PTGER4: variants seen among roughly 807,000 people sequenced by gnomAD.
PTGER4 encodes the protein prostaglandin E receptor 4, also known as prostaglandin E2 receptor EP4 subtype.
PTGER4 carries 11 observed loss-of-function variants against 33.2 expected under a neutral mutation model. That is an observed-to-expected ratio of 0.33 (90% CI 0.21 to 0.55). The LOEUF is 0.55. Ranked by LOEUF, PTGER4 falls within the 20% of genes least tolerant of loss-of-function variation. The pLI, the probability that PTGER4 is intolerant of heterozygous loss-of-function variation, is 0.92. For missense variants in PTGER4, 481 were observed against 650.2 expected (o/e 0.74, Z 2.83); for synonymous variants, 275 against 281.5 (o/e 0.98, Z 0.23).
the PTGER4 span, among the ~76,000 whole-genome samples, chr5:40,745,527 CTTTTG>C: frequency 3.0e-4 from 46 of 151,638 alleles, no homozygotes; most frequent in Non-Finnish European, 4.4e-4. Flanking sequence ...TTGTCCTATT[CTTTTG>C]TTTTGTTTTG....
chr5:40,691,130 C>T lies in PTGER4; in HGVS notation c.868-649C>T, dbSNP rs1300248774. Among the ~76,000 whole-genome samples, 2 of 152,358 alleles carry T rather than the reference C, an allele frequency of 1.3e-5. No individual in the cohort carries two copies. The highest frequency in any genetic ancestry group is 3.9e-4 in the East Asian group (2 of 5,186). On this transcript the variant is annotated intron_variant, in intron 2 of 2. Coordinates refer to ENST00000302472, the MANE Select transcript of PTGER4 (RefSeq NM_000958.3). This position sits in a 1 kb window ranked among gnomAD's most constrained non-coding sequence, Gnocchi z 4.2. The stretch of plus-strand genomic sequence containing the variant: ...CCACCCGCCGCATTCAAGCCATTCT[C>T]CTGCCTCACCCTCCTGAGTAGCTGG...
At chr5:40,706,786 C>G in the PTGER4 span, among the ~76,000 whole-genome samples, 1 of 152,074 alleles carries the variant, frequency 6.6e-6, no homozygotes, top group Non-Finnish European at 1.5e-5. Flanking sequence ...AGAGAAAGGT[C>G]AGGTTACCCA....
the PTGER4 span, among the ~76,000 whole-genome samples, chr5:40,717,098 G>A: frequency 3.3e-5 from 5 of 151,772 alleles, no homozygotes; most frequent in African/African-American, 4.8e-5. Flanking sequence ...GCATGATGGC[G>A]GGTGCCTGTA....
chr5:40,704,900 C>A, the PTGER4 span, among the ~76,000 whole-genome samples: 1 of 152,068 alleles, frequency 6.6e-6, no homozygotes, highest in South Asian at 2.1e-4. Context: ...CTATACTACC[C>A]AAAGCAATTT....
chr5:40,733,669 T>C, the PTGER4 span, among the ~76,000 whole-genome samples: 3 of 152,164 alleles, frequency 2.0e-5, no homozygotes. Flanking sequence ...TTAACATTCT[T>C]CAAGGCAAAG....
At chr5:40,694,143 C>G (rs1044613755), downstream of PTGER4, among the ~76,000 whole-genome samples, 5 of 152,080 alleles carry the variant, frequency 3.3e-5, no homozygotes, top group Non-Finnish European at 5.9e-5. Flanking sequence ...CTCCACCTCC[C>G]AGGTTCAAGC....
chr5:40,738,539 CAATAAAATAA>C, the PTGER4 span, among the ~76,000 whole-genome samples: 388 of 67,468 alleles, frequency 5.8e-3, 6 homozygotes, highest in African/African-American at 0.021. Flanking sequence ...CAATAAAATA[CAATAAAATAA>C]AATAAAATAA....
At chr5:40,687,812 A>G (rs889709263) in intron 2 of PTGER4, among the ~76,000 whole-genome samples, 17 of 152,188 alleles carry the variant, frequency 1.1e-4, no homozygotes, top group African/African-American at 3.9e-4. Flanking sequence ...TTGAAAAGAC[A>G]TTGAATGACC....
chr5:40,746,549 G>A, the PTGER4 span, among the ~76,000 whole-genome samples: 1 of 152,112 alleles, frequency 6.6e-6, no homozygotes, highest in Non-Finnish European at 1.5e-5. Flanking sequence ...CAACAAAAAT[G>A]ATGGCAAAGC....
the PTGER4 span, among the ~76,000 whole-genome samples, chr5:40,698,911 G>A: frequency 6.6e-6 from 1 of 152,158 alleles, no homozygotes; most frequent in Admixed American, 6.5e-5. Flanking sequence ...AGCCACTAAT[G>A]AAATAATGGA....
intron 2 of PTGER4, among the ~76,000 whole-genome samples, chr5:40,686,919 A>G (rs983559815): frequency 6.6e-6 from 1 of 152,210 alleles, no homozygotes. Context: ...AATAATTTAG[A>G]ATACTGTAAT....
chr5:40,698,655 A>T (rs1741667017), downstream of PTGER4, among the ~76,000 whole-genome samples: 1 of 152,208 alleles, frequency 6.6e-6, no homozygotes, highest in South Asian at 2.1e-4. Flanking sequence ...ATTGAAACAC[A>T]TCAATTATAT....
the PTGER4 span, among the ~76,000 whole-genome samples, chr5:40,732,081 A>C: frequency 6.6e-6 from 1 of 152,368 alleles, no homozygotes; most frequent in Admixed American, 6.5e-5. Flanking sequence ...GCATGATCAC[A>C]GCTCATTGCA....
At chr5:40,708,262 C>T in the PTGER4 span, among the ~76,000 whole-genome samples, 1 of 151,804 alleles carries the variant, frequency 6.6e-6, no homozygotes, top group East Asian at 1.9e-4. Context: ...TTGAAAAGAT[C>T]AACAGAATGG....
downstream of PTGER4, among the ~76,000 whole-genome samples, chr5:40,695,916 A>C (rs1171756347): frequency 1.3e-5 from 2 of 151,996 alleles, no homozygotes; most frequent in African/African-American, 2.4e-5. Flanking sequence ...GATGCTGGGG[A>C]CTCCAAAAGT....
chr5:40,691,460 G>A lies in PTGER4; in HGVS notation c.868-319G>A, dbSNP rs186633996. Reference sequence around the variant, plus strand: ...CTACCAAAATGCTGGGATTACAGGCGTGAGCCACCGCACCCAGCCTAATGT... The same window carrying A: ...CTACCAAAATGCTGGGATTACAGGCATGAGCCACCGCACCCAGCCTAATGT... On this transcript the variant is annotated intron_variant, in intron 2 of 2. Transcript: ENST00000302472. The surrounding 1 kb of genome is among the most constrained non-coding windows in gnomAD (Gnocchi z 4.2). 2.4e-3 allele frequency among the ~76,000 whole-genome samples: 371 copies of A among 152,340 alleles called. No individual in the cohort carries two copies. Among genetic ancestry groups the A allele is most frequent in the African/African-American group, 8.6e-3 (356 of 41,582 alleles).
rs1360607171 is a variant in PTGER4 at position 40,693,415 on chromosome 5, A to G, written c.*1037A>G. On this transcript the variant is annotated 3_prime_UTR_variant, in exon 3 of 3. Transcript: ENST00000302472. ...AGAATATCCTTTAAAATTTAAAAGG[A>G]TGGCAAGTTGCATCAGAAAGCTTTA... is the stretch of plus-strand genomic sequence containing the variant. 1 of 985,572 alleles carries G rather than the reference A, an allele frequency of 1.0e-6. No homozygotes were observed. The highest frequency in any genetic ancestry group is 1.2e-6 in the Non-Finnish European group (1 of 829,664). The allele number at this position is 985,572 out of a possible 1,614,324, so 61.1% of individuals were successfully genotyped here.
rs1311248806 is a variant in PTGER4 at position 40,692,785 on chromosome 5, G to A, written c.*407G>A. On this transcript the variant is annotated 3_prime_UTR_variant, in exon 3 of 3. Coordinates refer to ENST00000302472, the MANE Select transcript of PTGER4 (RefSeq NM_000958.3). ...GAGGACTGCCTTATGGATGATTTAAGTGTCTCACTAAAGCATGAAATGTGA... is the reference window on the plus strand; with the variant it reads ...GAGGACTGCCTTATGGATGATTTAAATGTCTCACTAAAGCATGAAATGTGA... 1.0e-6 allele frequency: 1 copy of A among 992,566 alleles called. No individual in the cohort carries two copies. Among genetic ancestry groups the A allele is most frequent in the Admixed American group, 5.8e-5 (1 of 17,244 alleles). 61.5% of individuals were successfully genotyped at this position (992,566 alleles called of 1,614,324 possible).
At chr5:40,728,438 A>C in the PTGER4 span, 4 of 1,613,684 alleles carry the variant, frequency 2.5e-6, no homozygotes, top group African/African-American at 5.3e-5. Context: ...TTTCTGCTGC[A>C]TGTACTGCTG....
Sources: allele counts gnomAD v4.1 joint callset (sites outside exome capture counted in the v4.1 genomes callset), GRCh38; gene constraint gnomAD v4.1.1; non-coding constraint Gnocchi (gnomAD v3.1); transcripts MANE v1.5; gene names NCBI Gene and HGNC (gene_info 2026-07-23, HGNC 2026-07-21).